The following PPARGC1B variants were observed in gnomAD, a reference collection of about 807,000 sequenced individuals.
The protein encoded by PPARGC1B is PPARG coactivator 1 beta.
A neutral mutation model predicts 101.6 loss-of-function variants in PPARGC1B; 34 were observed. The ratio of observed to expected loss-of-function variants is 0.33; its 90% CI spans 0.25 to 0.45. The LOEUF (loss-of-function observed/expected upper bound fraction) is 0.45. PPARGC1B is among the 20% of genes least tolerant of loss of function. PPARGC1B has a pLI of 1.00. For synonymous variants in PPARGC1B, 548 were observed against 539.3 expected (o/e 1.02, Z -0.22); for missense variants, 1,234 against 1,317.6 (o/e 0.94, Z 0.98).
At chr5:149,812,217 TTAAGATGTTC>T (rs890577295) in intron 1 of PPARGC1B, among the ~76,000 whole-genome samples, 36 of 152,218 alleles carry the variant, frequency 2.4e-4, no homozygotes, top group African/African-American at 8.7e-4. Context: ...ATCTCTGAGT[TTAAGATGTTC>T]TGTTCTTCTA....
intron 1 of PPARGC1B, among the ~76,000 whole-genome samples, chr5:149,731,328 G>A (rs990127272): frequency 5.3e-5 from 8 of 152,234 alleles, no homozygotes; most frequent in Non-Finnish European, 1.0e-4. Context: ...AGCACGAGGC[G>A]TGCGCGGCCC....
At chr5:149,805,360 A>G (rs144091201) in intron 1 of PPARGC1B, among the ~76,000 whole-genome samples, 1 of 152,240 alleles carries the variant, frequency 6.6e-6, no homozygotes, top group Non-Finnish European at 1.5e-5. Context: ...ATATGAGTTT[A>G]TGCAAATAGA....
intron 1 of PPARGC1B, among the ~76,000 whole-genome samples, chr5:149,769,686 A>C (rs1756051403): frequency 1.3e-5 from 2 of 152,198 alleles, no homozygotes. Flanking sequence ...GCAGCCAAAC[A>C]TGGGTCTCAC....
At chr5:149,824,795 C>G (rs965119382) in intron 2 of PPARGC1B, among the ~76,000 whole-genome samples, 1 of 152,178 alleles carries the variant, frequency 6.6e-6, no homozygotes, top group Non-Finnish European at 1.5e-5. Flanking sequence ...ACCCTCGGGC[C>G]TCCATCCCCA....
At chr5:149,764,117 G>T (rs1755819483) in intron 1 of PPARGC1B, among the ~76,000 whole-genome samples, 1 of 152,234 alleles carries the variant, frequency 6.6e-6, no homozygotes, top group South Asian at 2.1e-4. Context: ...CCATGCACAA[G>T]CCCAGAGTAA....
chr5:149,842,284 A>C lies in PPARGC1B; in HGVS notation c.2723A>C (p.Asn908Thr), dbSNP rs527910540. 12 of 1,613,860 alleles carry C rather than the reference A, an allele frequency of 7.4e-6. No individual in the cohort carries two copies. The South Asian group carries it at 1.3e-4, about 18-fold the overall frequency. Residue 908 changes from asparagine (N) to threonine (T), a missense_variant, in exon 10 of 12, where the codon AAT becomes ACT. By Grantham distance (65) the Asn-to-Thr change is moderately conservative. Transcript: ENST00000309241. ...GAAGGCCGCGTGGTGTACATTCAAA[A>C]TCTCTCCAGCGACATGAGCTCCCGA... is the stretch of plus-strand genomic sequence containing the variant. ...IGEGRVVYIQNLSSDMSSREL... is the reference protein window; with the variant it reads ...IGEGRVVYIQTLSSDMSSREL...
At chr5:149,821,743 G>A (rs1016912359) in intron 2 of PPARGC1B, among the ~76,000 whole-genome samples, 1 of 152,150 alleles carries the variant, frequency 6.6e-6, no homozygotes, top group Non-Finnish European at 1.5e-5. Context: ...GTGTTCATCC[G>A]AGGACTTTAC....
intron 1 of PPARGC1B, among the ~76,000 whole-genome samples, chr5:149,806,826 C>T (rs575533755): frequency 6.6e-6 from 1 of 151,926 alleles, no homozygotes; most frequent in South Asian, 2.1e-4. Flanking sequence ...CAGCTGCTCT[C>T]GAACTCCTGT....
chr5:149,850,115 TG>T lies in PPARGC1B; in HGVS notation c.*2559del, dbSNP rs1210380193. The stretch of plus-strand genomic sequence containing the variant: ...CTACCAAGAATTTCCTTTGTAACTT[TG>T]GTAAGTCCCTTTTACTCCCTGGCAC... On this transcript the variant is annotated 3_prime_UTR_variant, in exon 12 of 12. Transcript: ENST00000309241. 1 of 152,220 alleles carries T rather than the reference TG, an allele frequency of 6.6e-6. No homozygotes were observed. Among genetic ancestry groups the T allele is most frequent in the Non-Finnish European group, 1.5e-5 (1 of 68,034 alleles). 9.4% of individuals were successfully genotyped at this position (152,220 alleles called of 1,614,324 possible).
At chr5:149,855,132 G>A (rs1045059430), downstream of PPARGC1B, 4 of 152,086 alleles carry the variant, frequency 2.6e-5, no homozygotes, top group Non-Finnish European at 5.9e-5. Flanking sequence ...TCTCAGATAA[G>A]ACCCCGGATG....
intron 1 of PPARGC1B, among the ~76,000 whole-genome samples, chr5:149,737,140 C>T (rs749852101): frequency 6.6e-5 from 10 of 152,192 alleles, no homozygotes; most frequent in Admixed American, 1.3e-4. Context: ...TCCAGAATGT[C>T]ATATAGTTGG....
rs180841863 is a variant in PPARGC1B, at chr5:149,775,981, C to A, written c.79-44452C>A. Among the ~76,000 whole-genome samples the A allele has an allele frequency of 2.3e-4, 34 of 149,220 alleles. No homozygotes were observed. The East Asian group carries it at 6.4e-3, about 28-fold the overall frequency. On this transcript the variant is annotated intron_variant, in intron 1 of 11. Coordinates refer to ENST00000309241, the MANE Select transcript of PPARGC1B (RefSeq NM_133263.4). The stretch of plus-strand genomic sequence containing the variant: ...TATGACATAACCAAGCTGTCCAAAG[C>A]CAGTATTGCCCCCTAGTGGTTAGCA...
chr5:149,829,159 G>C (rs755778903), intron 3 of PPARGC1B, among the ~76,000 whole-genome samples: 14 of 152,174 alleles, frequency 9.2e-5, no homozygotes, highest in Non-Finnish European at 1.8e-4. Context: ...AGGACCTGTG[G>C]ACCTCTGTGT....
At chr5:149,755,517 T>G (rs907872218) in intron 1 of PPARGC1B, among the ~76,000 whole-genome samples, 2 of 152,142 alleles carry the variant, frequency 1.3e-5, no homozygotes, top group African/African-American at 4.8e-5. Flanking sequence ...GACTGTGGAC[T>G]TAGCCTTTTT....
At chr5:149,856,214 C>T (rs576372240), downstream of PPARGC1B, among the ~76,000 whole-genome samples, 8 of 152,324 alleles carry the variant, frequency 5.3e-5, no homozygotes, top group African/African-American at 1.9e-4. Flanking sequence ...CTCATACAAA[C>T]TCATACATAT....
At chr5:149,754,025 G>A (rs1755416522) in intron 1 of PPARGC1B, among the ~76,000 whole-genome samples, 1 of 152,124 alleles carries the variant, frequency 6.6e-6, no homozygotes, top group Admixed American at 6.5e-5. Context: ...GATGTATATT[G>A]TCACATTCCT....
chr5:149,783,890 C>T (rs1756687678), intron 1 of PPARGC1B, among the ~76,000 whole-genome samples: 1 of 152,254 alleles, frequency 6.6e-6, no homozygotes, highest in African/African-American at 2.4e-5. Context: ...TTTATAACCA[C>T]GTTTATACCC....
intron 5 of PPARGC1B, among the ~76,000 whole-genome samples, chr5:149,834,096 A>C (rs932658807): frequency 1.1e-4 from 16 of 152,206 alleles, no homozygotes; most frequent in Admixed American, 7.9e-4. Context: ...TGTAAAGAAG[A>C]CTCACTGGGG....
At chr5:149,835,134 C>G (rs1273194070) in intron 6 of PPARGC1B, among the ~76,000 whole-genome samples, 167 bp from the exon 7 acceptor site, 1 of 152,266 alleles carries the variant, frequency 6.6e-6, no homozygotes, top group Non-Finnish European at 1.5e-5. Flanking sequence ...ATTCCTCTAA[C>G]AGCCGGGATG....
Sources: allele counts gnomAD v4.1 joint callset (sites outside exome capture counted in the v4.1 genomes callset), GRCh38; gene constraint gnomAD v4.1.1; transcripts MANE v1.5; gene names NCBI Gene and HGNC (gene_info 2026-07-23, HGNC 2026-07-21).